Variants in MLLT10 observed in about 807,000 individuals in gnomAD.
MLLT10 encodes the protein MLLT10 histone lysine methyltransferase DOT1L cofactor.
A neutral mutation model predicts 129.1 loss-of-function variants in MLLT10; 30 were observed. The ratio of observed to expected loss-of-function variants is 0.23; its 90% confidence interval spans 0.17 to 0.32. MLLT10 has a LOEUF of 0.32. Among genes scored for constraint, MLLT10 ranks in the 10% least tolerant of loss-of-function variants. The pLI, the probability that MLLT10 is intolerant of heterozygous loss-of-function variation, is 1.00. For synonymous variants in MLLT10, 490 were observed against 446.4 expected, an observed-to-expected ratio of 1.10 and a Z score of -1.23; for missense variants, 1,119 against 1,268.3, an observed-to-expected ratio of 0.88 and a Z score of 1.79.
At chr10:21,673,229 T>G in intron 10 of MLLT10, 121 bp from the exon 11 acceptor site, 1 of 588,408 alleles carries the variant, frequency 1.7e-6, no homozygotes, top group South Asian at 3.5e-5. Context: ...GTAGTTAATT[T>G]TTTTAAACTC....
intron 2 of MLLT10, among the ~76,000 whole-genome samples, chr10:21,536,506 A>T (rs1264274057): frequency 2.0e-5 from 3 of 152,222 alleles, no homozygotes; most frequent in Admixed American, 2.0e-4. Flanking sequence ...TTTTTGGGCA[A>T]TGATGCTGTG....
At chr10:21,609,512 C>G (rs1394259634) in intron 5 of MLLT10, among the ~76,000 whole-genome samples, 1 of 152,226 alleles carries the variant, frequency 6.6e-6, no homozygotes, top group Middle Eastern at 3.4e-3. Context: ...CTTTTAGGTT[C>G]GTCACAAATC....
intron 9 of MLLT10, among the ~76,000 whole-genome samples, chr10:21,658,639 G>GTAGGA (rs1429109729): frequency 6.6e-6 from 1 of 152,136 alleles, no homozygotes; most frequent in Non-Finnish European, 1.5e-5. Flanking sequence ...GGGCCACATG[G>GTAGGA]TAGGTGTGGC....
At chr10:21,630,753 CTG>C (rs2046920667) in intron 8 of MLLT10, among the ~76,000 whole-genome samples, 1 of 152,184 alleles carries the variant, frequency 6.6e-6, no homozygotes. Context: ...ATCTATGAAA[CTG>C]TGGTGAACTA....
intron 5 of MLLT10, among the ~76,000 whole-genome samples, chr10:21,607,217 TC>T (rs760123547): frequency 6.6e-6 from 1 of 152,052 alleles, no homozygotes; most frequent in South Asian, 2.1e-4. Context: ...CCTGTAAAGC[TC>T]CATTGCCCTC....
intron 5 of MLLT10, among the ~76,000 whole-genome samples, chr10:21,608,077 C>T (rs1213089893): frequency 6.8e-6 from 1 of 147,922 alleles, no homozygotes; most frequent in Admixed American, 6.8e-5. Flanking sequence ...CTCCATAGTT[C>T]CTGATTGGAT....
At chr10:21,643,358 TC>T (rs1424420209) in intron 8 of MLLT10, among the ~76,000 whole-genome samples, 2 of 152,206 alleles carry the variant, frequency 1.3e-5, no homozygotes, top group Non-Finnish European at 2.9e-5. Context: ...TGAAGACATT[TC>T]TATTTTTTCA....
At chr10:21,563,791 G>GTAT (rs34367086) in intron 3 of MLLT10, among the ~76,000 whole-genome samples, 15,054 of 145,574 alleles carry the variant, frequency 0.1, 1,051 homozygotes, top group African/African-American at 0.2. Flanking sequence ...CTCACTGTGT[G>GTAT]TATTATTATT....
intron 5 of MLLT10, among the ~76,000 whole-genome samples, chr10:21,610,116 T>C (rs948851079): frequency 6.6e-6 from 1 of 152,188 alleles, no homozygotes; most frequent in Non-Finnish European, 1.5e-5. Context: ...TAAGAGGGTA[T>C]TGAGAGAAGG....
In MLLT10 at chr10:21,733,000, T is replaced by C. The variant is rs770100635; in HGVS notation, c.2320T>C (p.Leu774=). ...TGCCAAAAAGGAACGGCTTCAGTTA[T>C]TGAATGCACAGCTTTCAGTGCCTTT... is the stretch of plus-strand genomic sequence containing the variant. ...LTAKKERLQL[L]NAQLSVPFPT... Residue 774 remains leucine, a synonymous_variant, in exon 18 of 23, where the codon TTG becomes CTG. Transcript: ENST00000307729. 5.0e-6 allele frequency: 8 copies of C among 1,614,052 alleles called. No individual in the cohort carries two copies. The highest frequency in any genetic ancestry group is 4.5e-5 in the East Asian group (2 of 44,844).
rs1320351187 is a variant in MLLT10 at position 21,676,639 on chromosome 10, T to G, written c.1621+2720T>G. Among the ~76,000 whole-genome samples the G allele has an allele frequency of 2.3e-5, 3 of 132,214 alleles. No homozygotes were observed. In the Admixed American group the frequency reaches 2.7e-4, roughly 12 times the overall value. 86.7% of individuals were successfully genotyped at this position (132,214 alleles called of 152,430 possible). On this transcript the variant is annotated intron_variant, in intron 11 of 22. Coordinates refer to ENST00000307729, the MANE Select transcript of MLLT10 (RefSeq NM_001195626.3). ...GGGAGGCTGAGGCAGGAGAATCGCT[T>G]AAACCCGGGAGGCAGAGGTTGCAGT...
intron 11 of MLLT10, among the ~76,000 whole-genome samples, chr10:21,674,237 G>T (rs1196619094): frequency 4.0e-5 from 6 of 151,654 alleles, no homozygotes; most frequent in Non-Finnish European, 5.9e-5. Flanking sequence ...CACCTGCACA[G>T]TATTTTTTTT....
At chr10:21,580,007 T>C (rs1430231873) in intron 3 of MLLT10, among the ~76,000 whole-genome samples, 4 of 151,830 alleles carry the variant, frequency 2.6e-5, no homozygotes, top group Admixed American at 6.6e-5. Flanking sequence ...GTTTTTTTGT[T>C]TTGTTTTTTC....
At chr10:21,738,551 C>A (rs2058570428) in intron 21 of MLLT10, 2 of 1,276,538 alleles carry the variant, frequency 1.6e-6, no homozygotes, top group Non-Finnish European at 2.0e-6. Flanking sequence ...AGGGATCAAA[C>A]TTAACGTAGG....
chr10:21,728,749 C>T (rs2057712390), intron 16 of MLLT10, among the ~76,000 whole-genome samples: 1 of 152,054 alleles, frequency 6.6e-6, no homozygotes, highest in Non-Finnish European at 1.5e-5. Context: ...AAACTTTGGT[C>T]AGGCGTGGTG....
intron 17 of MLLT10, 111 bp from the exon 18 acceptor site, chr10:21,732,788 G>A (rs1269567688): frequency 2.4e-6 from 2 of 849,106 alleles, no homozygotes; most frequent in African/African-American, 3.5e-5. Flanking sequence ...ACACTTTACA[G>A]AATTTCTACT....
intron 8 of MLLT10, chr10:21,624,577 G>A (rs199912912): frequency 2.9e-4 from 385 of 1,338,892 alleles, no homozygotes; most frequent in Non-Finnish European, 3.7e-4. Context: ...TCATTTTCAA[G>A]CCCTTACTTG....
At chr10:21,619,045 C>G (rs146080189) in intron 8 of MLLT10, among the ~76,000 whole-genome samples, 307 of 151,672 alleles carry the variant, frequency 2.0e-3, no homozygotes, top group Non-Finnish European at 3.8e-3. Context: ...CACACACACA[C>G]ACACACACAC....
chr10:21,555,297 A>G (rs574355309), intron 3 of MLLT10, among the ~76,000 whole-genome samples: 4 of 152,142 alleles, frequency 2.6e-5, no homozygotes, highest in Non-Finnish European at 5.9e-5. Flanking sequence ...ATCTTGGCTC[A>G]CTGCAGTCCC....
Sources: allele counts gnomAD v4.1 joint callset (sites outside exome capture counted in the v4.1 genomes callset), GRCh38; gene constraint gnomAD v4.1.1; transcripts MANE v1.5; gene names NCBI Gene and HGNC (gene_info 2026-07-23, HGNC 2026-07-21).